Variants in MIS18A observed in about 807,000 individuals in gnomAD.
MIS18A encodes MIS18 kinetochore protein A.
Under a neutral mutation model 25.0 loss-of-function variants are expected in MIS18A, and 14 were observed. The observed-to-expected ratio is 0.56, with a 90% CI of 0.37 to 0.88. MIS18A has a LOEUF of 0.88. Ranked by LOEUF, MIS18A falls within the 40% of genes least tolerant of loss-of-function variation. The pLI, the probability that MIS18A is intolerant of heterozygous loss-of-function variation, is 0.00. For synonymous variants in MIS18A, 134 were observed against 118.6 expected, an observed-to-expected ratio of 1.13 and a Z score of -0.84; for missense variants, 292 against 290.8, an observed-to-expected ratio of 1.00 and a Z score of -0.03.
chr21:32,215,144 A>T, the MIS18A span, among the ~76,000 whole-genome samples: 3 of 152,210 alleles, frequency 2.0e-5, no homozygotes, highest in Non-Finnish European at 2.9e-5. Flanking sequence ...GACACTGTTC[A>T]TTAAGCCAGG....
chr21:32,185,199 C>G, the MIS18A span, among the ~76,000 whole-genome samples: 1 of 152,236 alleles, frequency 6.6e-6, no homozygotes, highest in Middle Eastern at 3.4e-3. Context: ...CCACCTCCCC[C>G]ACAGCTGGTT....
At chr21:32,232,143 A>G in the MIS18A span, among the ~76,000 whole-genome samples, 5 of 152,294 alleles carry the variant, frequency 3.3e-5, no homozygotes, top group Middle Eastern at 3.4e-3. Flanking sequence ...ATCTATCTCT[A>G]TCTCTATATA....
At chr21:32,270,245 AAAG>A (rs1382577310) in intron 3 of MIS18A, among the ~76,000 whole-genome samples, 159 bp downstream of exon 3, 1 of 140,840 alleles carries the variant, frequency 7.1e-6, no homozygotes, top group East Asian at 2.0e-4. Flanking sequence ...AATACCAAAT[AAAG>A]AAGGAGGTCA....
the MIS18A span, among the ~76,000 whole-genome samples, chr21:32,174,556 G>A: frequency 4.6e-5 from 7 of 152,116 alleles, no homozygotes; most frequent in African/African-American, 1.4e-4. Context: ...CAATGAATAA[G>A]TGGTCAATTT....
chr21:32,159,538 ACT>A, the MIS18A span, among the ~76,000 whole-genome samples: 1 of 152,214 alleles, frequency 6.6e-6, no homozygotes, highest in Non-Finnish European at 1.5e-5. Flanking sequence ...CAAGAGTCAA[ACT>A]CTATAAAATA....
At chr21:32,240,658 G>A in the MIS18A span, among the ~76,000 whole-genome samples, 2 of 152,190 alleles carry the variant, frequency 1.3e-5, no homozygotes, top group African/African-American at 4.8e-5. Flanking sequence ...AGACTTGGAT[G>A]TACAATATAT....
the MIS18A span, among the ~76,000 whole-genome samples, chr21:32,200,054 T>G: frequency 1.3e-5 from 2 of 152,190 alleles, no homozygotes; most frequent in Admixed American, 1.3e-4. Flanking sequence ...ACTCGGCAGT[T>G]GCCTGAGGCT....
At chr21:32,205,249 C>T in the MIS18A span, among the ~76,000 whole-genome samples, 5 of 151,718 alleles carry the variant, frequency 3.3e-5, no homozygotes, top group Non-Finnish European at 7.4e-5. Context: ...GGACTACAGG[C>T]GCCTGCCACC....
chr21:32,256,841 C>T, the MIS18A span, among the ~76,000 whole-genome samples: 7 of 152,128 alleles, frequency 4.6e-5, no homozygotes. Context: ...CCATCTCAAA[C>T]AGTTCAATTC....
the MIS18A span, among the ~76,000 whole-genome samples, chr21:32,198,575 C>T: frequency 5.9e-5 from 9 of 152,318 alleles, no homozygotes; most frequent in Non-Finnish European, 1.5e-5. Context: ...GCAGTCTGCC[C>T]GGTTCTGCCC....
chr21:32,221,723 CAAAAAAA>C, the MIS18A span, among the ~76,000 whole-genome samples: 13,245 of 108,690 alleles, frequency 0.12, 711 homozygotes, highest in South Asian at 0.23. Context: ...ACGAATAATA[CAAAAAAA>C]AAAAAAAAAA....
At chr21:32,211,956 C>T in the MIS18A span, among the ~76,000 whole-genome samples, 1 of 152,126 alleles carries the variant, frequency 6.6e-6, no homozygotes, top group Non-Finnish European at 1.5e-5. Context: ...CTATCTCTCC[C>T]CTGGCACTCT....
At chr21:32,272,041 A>C (rs547897873) in intron 2 of MIS18A, among the ~76,000 whole-genome samples, 1 of 152,196 alleles carries the variant, frequency 6.6e-6, no homozygotes, top group Admixed American at 6.5e-5. Flanking sequence ...ACCCATTCAC[A>C]CTTCTAGAAT....
the MIS18A span, among the ~76,000 whole-genome samples, chr21:32,259,305 C>A: frequency 6.6e-6 from 1 of 152,192 alleles, no homozygotes; most frequent in African/African-American, 2.4e-5. Flanking sequence ...GGAGGGCATT[C>A]TCTGCCTCGC....
At chr21:32,215,476 A>G in the MIS18A span, among the ~76,000 whole-genome samples, 2 of 152,136 alleles carry the variant, frequency 1.3e-5, no homozygotes, top group Non-Finnish European at 2.9e-5. Context: ...GCCAAGGGGT[A>G]GGAACGCGAG....
chr21:32,219,079 A>C, the MIS18A span, among the ~76,000 whole-genome samples: 1 of 152,020 alleles, frequency 6.6e-6, no homozygotes, highest in East Asian at 1.9e-4. Context: ...AAAAAAAAAA[A>C]AAAAATCTTA....
At chr21:32,221,639 G>A in the MIS18A span, among the ~76,000 whole-genome samples, 1 of 151,692 alleles carries the variant, frequency 6.6e-6, no homozygotes, top group African/African-American at 2.4e-5. Flanking sequence ...CAGCATTTTG[G>A]GAGGCCGAGG....
the MIS18A span, among the ~76,000 whole-genome samples, chr21:32,224,693 G>A: frequency 7.5e-6 from 1 of 132,656 alleles, no homozygotes; most frequent in Non-Finnish European, 1.6e-5. Context: ...CGTGAAAATG[G>A]CCATACTGCC....
chr21:32,253,011 C>A, the MIS18A span, among the ~76,000 whole-genome samples: 1 of 152,114 alleles, frequency 6.6e-6, no homozygotes, highest in Non-Finnish European at 1.5e-5. Flanking sequence ...AAGGAGCTGC[C>A]CTTGGGACCT....
Sources: allele counts gnomAD v4.1 joint callset (sites outside exome capture counted in the v4.1 genomes callset), GRCh38; gene constraint gnomAD v4.1.1; transcripts MANE v1.5; gene names NCBI Gene and HGNC (gene_info 2026-07-23, HGNC 2026-07-21).